The following RELT variants were observed in gnomAD, a reference collection of about 807,000 sequenced individuals.
RELT encodes RELT TNF receptor.
RELT carries 37 observed loss-of-function variants against 51.1 expected under a neutral mutation model. The ratio of observed to expected loss-of-function variants is 0.72; its 90% CI spans 0.56 to 0.95. The LOEUF is 0.95. RELT is among the 40% of genes least tolerant of loss of function. The pLI, the probability that RELT is intolerant of heterozygous loss-of-function variation, is 0.00. For synonymous variants in RELT, 241 were observed against 235.7 expected, an observed-to-expected ratio of 1.02 and a Z score of -0.21; for missense variants, 535 against 572.6, an observed-to-expected ratio of 0.93 and a Z score of 0.67.
chr11:73,381,783 G>A (rs554051703), intron 1 of RELT, among the ~76,000 whole-genome samples: 14 of 152,272 alleles, frequency 9.2e-5, no homozygotes, highest in East Asian at 3.9e-4. Context: ...GCAGGTGGAC[G>A]TAGGCCTGTA....
At chr11:73,384,941 G>A (rs1031776484) in intron 1 of RELT, among the ~76,000 whole-genome samples, 2 of 152,116 alleles carry the variant, frequency 1.3e-5, no homozygotes, top group Non-Finnish European at 2.9e-5. Context: ...CTGGCCAAGC[G>A]ATGAGGGGAG....
In RELT at chr11:73,395,071, C is replaced by T; in HGVS notation, c.1047-16C>T. On this transcript the variant is annotated splice_polypyrimidine_tract_variant and intron_variant, in intron 9 of 10. Transcript: ENST00000064780. ...GATCCCCGCTAACGGGGATGATTGCCCCACTCTCCTCACAGGTTCCGCGTG... is the reference window on the plus strand; with the variant it reads ...GATCCCCGCTAACGGGGATGATTGCTCCACTCTCCTCACAGGTTCCGCGTG... 1 of 1,605,874 alleles carries T rather than the reference C, an allele frequency of 6.2e-7. No individual in the cohort carries two copies. Among genetic ancestry groups the T allele is most frequent in the Non-Finnish European group, 8.5e-7 (1 of 1,173,846 alleles).
At chr11:73,390,649 C>A in intron 3 of RELT, 24 bp downstream of exon 3, 1 of 1,612,540 alleles carries the variant, frequency 6.2e-7, no homozygotes. Flanking sequence ...TGCTCTCCTG[C>A]CTGTCCTGGG....
chr11:73,395,486 A>G lies in RELT; in HGVS notation c.1288A>G (p.Ile430Val). ...VVRLSESNLV[I>V] is the part of the protein sequence containing the mutation. ...CCGGCTAAGTGAGAGCAACCTGGTC[A>G]TCTGAGGGGCGGTCTAGTCTAAGGA... is the stretch of plus-strand genomic sequence containing the variant. The change falls in exon 11 of 11, where the codon ATC becomes GTC. Residue 430 changes from isoleucine (I) to valine (V), a missense_variant. By Grantham distance (29) the Ile-to-Val change is conservative. Transcript: ENST00000064780. 1.3e-6 allele frequency: 1 copy of G among 791,828 alleles called. No homozygotes were observed. Among genetic ancestry groups the G allele is most frequent in the South Asian group, 1.3e-5 (1 of 74,798 alleles). 49.1% of individuals were successfully genotyped at this position (791,828 alleles called of 1,614,324 possible).
Position 73,394,301 on chromosome 11 carries a change from C to CA in RELT, c.773dup (p.His258GlnfsTer42), listed in dbSNP as rs1321837642. On this transcript the variant is annotated frameshift_variant, in exon 8 of 11. Transcript: ENST00000064780. LOFTEE classifies it high-confidence loss of function. This position sits in a 1 kb window ranked among gnomAD's most constrained non-coding sequence, Gnocchi z 4.9. ...CAGCAAACAGCTGGTGCAGACGAGC[C>CA]ACAGGCCTGTGTCCAAGTGAGTGGG... The CA allele has an allele frequency of 1.9e-6, 3 of 1,613,076 alleles. No individual in the cohort carries two copies. The highest frequency in any genetic ancestry group is 2.5e-6 in the Non-Finnish European group (3 of 1,179,918).
rs575650916 is a variant in RELT at position 73,393,522 on chromosome 11, C to G, written c.626-315C>G. On this transcript the variant is annotated intron_variant, in intron 6 of 10. Coordinates refer to ENST00000064780, the MANE Select transcript of RELT (RefSeq NM_152222.2). ...CAGCTCCTTGAGGCTGAGGAGGAGA[C>G]AGTGCAGACCCAGAAGACGCTGACG... 1.5e-5 allele frequency: 19 copies of G among 1,280,342 alleles called. No individual in the cohort carries two copies. The South Asian group carries it at 2.8e-4, about 19-fold the overall frequency. 79.3% of individuals were successfully genotyped at this position (1,280,342 alleles called of 1,614,324 possible).
At chr11:73,392,091 T>C (rs1866223955) in intron 5 of RELT, 120 bp from the exon 6 acceptor site, 5 of 1,149,016 alleles carry the variant, frequency 4.4e-6, no homozygotes, top group African/African-American at 3.1e-5. Context: ...TGGCGGGGAG[T>C]GGGCTCCCCT....
intron 1 of RELT, among the ~76,000 whole-genome samples, chr11:73,387,863 G>T (rs57049268): frequency 6.6e-6 from 1 of 152,188 alleles, no homozygotes; most frequent in East Asian, 1.9e-4. Context: ...GGCCTCAGCC[G>T]CGGCGGCCCT....
intron 10 of RELT, 49 bp downstream of exon 10, chr11:73,395,334 C>G: frequency 1.2e-6 from 2 of 1,600,976 alleles, no homozygotes; most frequent in South Asian, 2.2e-5. Context: ...CCAACCCTGA[C>G]CGAAGACGGG....
At chr11:73,384,653 C>T (rs1476606543) in intron 1 of RELT, 2 of 152,358 alleles carry the variant, frequency 1.3e-5, no homozygotes, top group East Asian at 3.8e-4. Flanking sequence ...TGGGTTCTGA[C>T]CCACCCCAGC....
At chr11:73,378,069 G>A (rs1565216992) in intron 1 of RELT, among the ~76,000 whole-genome samples, 2 of 152,212 alleles carry the variant, frequency 1.3e-5, no homozygotes, top group African/African-American at 4.8e-5. Context: ...AGTTCCTTGG[G>A]TTGGGGGAGA....
chr11:73,377,602 C>T (rs751207831), intron 1 of RELT, among the ~76,000 whole-genome samples: 1 of 151,902 alleles, frequency 6.6e-6, no homozygotes, highest in African/African-American at 2.4e-5. Context: ...ACTCACGCAT[C>T]GAAGTCCCTA....
At chr11:73,390,969 C>T in intron 4 of RELT, 48 bp downstream of exon 4, 1 of 1,590,096 alleles carries the variant, frequency 6.3e-7, no homozygotes, top group East Asian at 2.2e-5. Context: ...GTGACCAGGA[C>T]TCTGGATCCT....
intron 1 of RELT, among the ~76,000 whole-genome samples, chr11:73,379,536 A>T (rs1866018969): frequency 6.6e-6 from 1 of 152,164 alleles, no homozygotes; most frequent in African/African-American, 2.4e-5. Context: ...AGAAGGAGAG[A>T]TTGAGGTTCT....
chr11:73,393,421 C>T (rs756212202), intron 6 of RELT: 215 of 1,177,712 alleles, frequency 1.8e-4, no homozygotes, highest in Non-Finnish European at 2.2e-4. Flanking sequence ...TAAATTGTTA[C>T]ATAGGGCACA....
Position 73,390,600 on chromosome 11 carries a change from GC to G in RELT, c.98del (p.Pro33HisfsTer198), listed in dbSNP as rs1280334044. On this transcript the variant is annotated frameshift_variant, in exon 3 of 11. Transcript: ENST00000064780. LOFTEE classifies it high-confidence loss of function. The stretch of plus-strand genomic sequence containing the variant: ...CTGACATCAACAACCCTTTGGCAGT[GC>G]CCACCTGGGGAGGAGCCCGACCTGG... ...ATLTSTTLWQ[C>X]PPGEEPDLDP... is the part of the protein sequence containing the mutation. The G allele has an allele frequency of 6.2e-7, 1 of 1,613,826 alleles. No individual in the cohort carries two copies. Among genetic ancestry groups the G allele is most frequent in the Non-Finnish European group, 8.5e-7 (1 of 1,180,000 alleles).
intron 1 of RELT, among the ~76,000 whole-genome samples, chr11:73,379,588 C>T (rs1866020060): frequency 6.6e-6 from 1 of 152,234 alleles, no homozygotes; most frequent in Non-Finnish European, 1.5e-5. Context: ...GAACCTTCAC[C>T]TTCCAGACGC....
Position 73,390,805 on chromosome 11 carries a change from A to G in RELT, c.171A>G (p.Ser57=). ...GGCCCTGCCCCCCAGGCACCTTCTCAGCTGCATGGGGCTCCAGCCCATGCC... is the reference window on the plus strand; with the variant it reads ...GGCCCTGCCCCCCAGGCACCTTCTCGGCTGCATGGGGCTCCAGCCCATGCC... ...LCRPCPPGTF[S]AAWGSSPCQP... The change falls in exon 4 of 11, where the codon TCA becomes TCG. Residue 57 remains serine (S), a synonymous_variant. Coordinates refer to ENST00000064780, the MANE Select transcript of RELT (RefSeq NM_152222.2). 6.2e-7 allele frequency: 1 copy of G among 1,611,762 alleles called. No homozygotes were observed. Among genetic ancestry groups the G allele is most frequent in the Admixed American group, 1.7e-5 (1 of 59,490 alleles).
At chr11:73,387,807 A>G (rs1866148684) in intron 1 of RELT, among the ~76,000 whole-genome samples, 1 of 152,156 alleles carries the variant, frequency 6.6e-6, no homozygotes, top group African/African-American at 2.4e-5. Flanking sequence ...TGGGACTACC[A>G]CAGGAGGCGC....
Sources: gnomAD v4.1 joint callset for allele counts (sites outside exome capture counted in the v4.1 genomes callset) on GRCh38, gnomAD v4.1.1 for gene constraint, Gnocchi (gnomAD v3.1) non-coding constraint, MANE v1.5 for transcripts, NCBI Gene and HGNC (gene_info 2026-07-23, HGNC 2026-07-21) for gene names.